PARD3: variants seen among roughly 807,000 people sequenced by gnomAD.
The protein encoded by PARD3 is par-3 family cell polarity regulator.
PARD3 carries 75 observed loss-of-function variants against 155.4 expected under a neutral mutation model. The observed-to-expected ratio is 0.48, with a 90% CI of 0.40 to 0.58. PARD3 has a LOEUF of 0.58. PARD3 is among the 20% of genes least tolerant of loss of function. The pLI, the probability that PARD3 is intolerant of heterozygous loss-of-function variation, is 0.00. For synonymous variants in PARD3, 576 were observed against 610.5 expected (o/e 0.94, Z 0.83); for missense variants, 1,642 against 1,721.7 (o/e 0.95, Z 0.82).
intron 1 of PARD3, among the ~76,000 whole-genome samples, chr10:34,745,574 C>A (rs1314677391): frequency 6.6e-6 from 1 of 152,094 alleles, no homozygotes; most frequent in East Asian, 1.9e-4. Flanking sequence ...CACTCCAGGG[C>A]TTTGGGCATG....
At chr10:34,571,961 T>A (rs1157178247) in intron 2 of PARD3, among the ~76,000 whole-genome samples, 3 of 152,136 alleles carry the variant, frequency 2.0e-5, no homozygotes, top group African/African-American at 7.2e-5. Flanking sequence ...TTATGCTCTA[T>A]CTGGTAAGAA....
At chr10:34,521,139 G>A (rs2082118669) in intron 2 of PARD3, among the ~76,000 whole-genome samples, 1 of 152,146 alleles carries the variant, frequency 6.6e-6, no homozygotes. Context: ...TGATGGAAGA[G>A]CTTATACATA....
chr10:34,654,854 T>C (rs962510095), intron 2 of PARD3, among the ~76,000 whole-genome samples: 2 of 152,182 alleles, frequency 1.3e-5, no homozygotes, highest in African/African-American at 4.8e-5. Context: ...TTTTCTGACA[T>C]TGCCATCGCT....
chr10:34,371,319 C>A (rs547861671), intron 12 of PARD3, among the ~76,000 whole-genome samples: 3 of 151,420 alleles, frequency 2.0e-5, no homozygotes, highest in Non-Finnish European at 4.4e-5. Context: ...GAATTGTCTA[C>A]AACACACACT....
At chr10:34,264,939 C>G (rs543597917) in intron 22 of PARD3, among the ~76,000 whole-genome samples, 1 of 152,046 alleles carries the variant, frequency 6.6e-6, no homozygotes, top group Admixed American at 6.6e-5. Context: ...TTTGTAGAGA[C>G]GGGGTCTCAC....
chr10:34,690,832 G>A (rs904001338), intron 2 of PARD3, among the ~76,000 whole-genome samples: 5 of 152,172 alleles, frequency 3.3e-5, no homozygotes, highest in Admixed American at 3.3e-4. Flanking sequence ...AGTGCCAAAG[G>A]GAAAAGCGTA....
intron 20 of PARD3, among the ~76,000 whole-genome samples, chr10:34,293,994 C>T (rs1956790216): frequency 6.6e-6 from 1 of 152,064 alleles, no homozygotes; most frequent in Non-Finnish European, 1.5e-5. Flanking sequence ...GCTAATGAGA[C>T]CTAAGTCACA....
intron 22 of PARD3, among the ~76,000 whole-genome samples, chr10:34,183,712 A>G (rs1484019601): frequency 6.6e-6 from 1 of 152,196 alleles, no homozygotes; most frequent in Non-Finnish European, 1.5e-5. Context: ...CCAGCATCCC[A>G]ATATAAGCAA....
chr10:34,486,618 G>A (rs2079489120), intron 3 of PARD3, among the ~76,000 whole-genome samples: 1 of 152,190 alleles, frequency 6.6e-6, no homozygotes. Context: ...CTTTGGATGA[G>A]GCAACTCAGT....
chr10:34,397,144 A>T (rs1300028684), intron 7 of PARD3, among the ~76,000 whole-genome samples: 1 of 152,202 alleles, frequency 6.6e-6, no homozygotes. Context: ...TTATGAAGTA[A>T]CAGGAATCCA....
chr10:34,681,371 G>A (rs922011128), intron 2 of PARD3, among the ~76,000 whole-genome samples: 6 of 151,992 alleles, frequency 3.9e-5, no homozygotes, highest in Non-Finnish European at 7.4e-5. Context: ...TTAACTAAAG[G>A]TAGAAAGAAT....
chr10:34,744,024 G>A lies in PARD3; in HGVS notation c.121-47605C>T, dbSNP rs574539846. On this transcript the variant is annotated intron_variant, in intron 1 of 24. Coordinates refer to ENST00000374788, the MANE Select transcript of PARD3 (RefSeq NM_001184785.2). ...AAAGATCTCCAGACACTCTGAGCCCGTGAAAGAAGCAACAAACAGCCAGGC... is the reference window on the plus strand; with the variant it reads ...AAAGATCTCCAGACACTCTGAGCCCATGAAAGAAGCAACAAACAGCCAGGC... Among the ~76,000 whole-genome samples, 11 of 152,278 alleles carry A rather than the reference G, an allele frequency of 7.2e-5. No homozygotes were observed. In the East Asian group the frequency reaches 1.5e-3, roughly 21 times the overall value.
At chr10:34,381,701 G>A (rs1048973667) in intron 9 of PARD3, among the ~76,000 whole-genome samples, 3 of 151,928 alleles carry the variant, frequency 2.0e-5, no homozygotes, top group Non-Finnish European at 4.4e-5. Context: ...GGAAGCCGAG[G>A]TAGAAGGACT....
chr10:34,285,474 G>A (rs1316688609), intron 20 of PARD3, among the ~76,000 whole-genome samples: 1 of 152,098 alleles, frequency 6.6e-6, no homozygotes, highest in Non-Finnish European at 1.5e-5. Flanking sequence ...CTACTCCAGA[G>A]GCTGAGGCAG....
At chr10:34,280,221 T>C (rs1162093279) in intron 21 of PARD3, among the ~76,000 whole-genome samples, 1 of 152,154 alleles carries the variant, frequency 6.6e-6, no homozygotes, top group Non-Finnish European at 1.5e-5. Context: ...CTGACCGTGA[T>C]CCAGAAAACA....
At chr10:34,287,232 T>C (rs771093844) in intron 20 of PARD3, among the ~76,000 whole-genome samples, 14 of 152,200 alleles carry the variant, frequency 9.2e-5, no homozygotes, top group Non-Finnish European at 1.8e-4. Flanking sequence ...CAGAAAAGTA[T>C]AAGTTCAAAT....
intron 5 of PARD3, among the ~76,000 whole-genome samples, chr10:34,442,244 A>G (rs1435712452): frequency 1.3e-5 from 2 of 152,322 alleles, no homozygotes; most frequent in Non-Finnish European, 2.9e-5. Context: ...AAAAACCCAC[A>G]TCTTAACTAC....
intron 3 of PARD3, among the ~76,000 whole-genome samples, chr10:34,509,114 A>G (rs1175456350): frequency 6.6e-6 from 1 of 152,206 alleles, no homozygotes; most frequent in African/African-American, 2.4e-5. Context: ...AAGCATAAGT[A>G]GAATATACTC....
intron 1 of PARD3, among the ~76,000 whole-genome samples, chr10:34,795,336 C>T (rs774551677): frequency 6.6e-6 from 1 of 152,200 alleles, no homozygotes; most frequent in Non-Finnish European, 1.5e-5. Flanking sequence ...TCAGAGCAGG[C>T]ATGGTAGTTC....
Sources: allele counts gnomAD v4.1 joint callset (sites outside exome capture counted in the v4.1 genomes callset), GRCh38; gene constraint gnomAD v4.1.1; transcripts MANE v1.5; gene names NCBI Gene and HGNC (gene_info 2026-07-23, HGNC 2026-07-21).